The following GPC6 variants were observed in gnomAD, a reference collection of about 807,000 sequenced individuals.
The protein encoded by GPC6 is glypican 6.
Under a neutral mutation model 55.2 loss-of-function variants are expected in GPC6, and 14 were observed. The ratio of observed to expected loss-of-function variants is 0.25; its 90% confidence interval spans 0.17 to 0.40. The LOEUF (loss-of-function observed/expected upper bound fraction) is 0.40. GPC6 is among the 10% of genes least tolerant of loss of function. The pLI is 1.00. For synonymous variants in GPC6, 278 were observed against 259.6 expected, an observed-to-expected ratio of 1.07 and a Z score of -0.68; for missense variants, 641 against 708.5, an observed-to-expected ratio of 0.90 and a Z score of 1.08.
chr13:93,795,307 A>G (rs1001146896), intron 2 of GPC6, among the ~76,000 whole-genome samples: 6 of 152,206 alleles, frequency 3.9e-5, no homozygotes, highest in African/African-American at 1.4e-4. Context: ...AAAATTAGGA[A>G]TGCCTTTGTT....
chr13:93,851,732 A>T (rs1227685846), intron 3 of GPC6, among the ~76,000 whole-genome samples: 1 of 151,866 alleles, frequency 6.6e-6, no homozygotes, highest in Non-Finnish European at 1.5e-5. Context: ...TGTTAAATCA[A>T]TATGCAGGTG....
intron 4 of GPC6, among the ~76,000 whole-genome samples, chr13:94,254,103 T>C (rs1891435174): frequency 6.6e-6 from 1 of 152,122 alleles, no homozygotes; most frequent in South Asian, 2.1e-4. Context: ...CTCTTGACCC[T>C]TGTAGAGCAT....
intron 3 of GPC6, among the ~76,000 whole-genome samples, chr13:93,919,449 T>C (rs1877456278): frequency 6.6e-6 from 1 of 152,218 alleles, no homozygotes; most frequent in Admixed American, 6.5e-5. Flanking sequence ...ATGTGGGTCT[T>C]ACCACATTAC....
chr13:94,278,543 G>C lies in GPC6; in HGVS notation c.878-7806G>C, dbSNP rs141637301. 8.0e-3 allele frequency among the ~76,000 whole-genome samples: 1,216 copies of C among 152,236 alleles called. 26 individuals are homozygous for C. The highest frequency in any genetic ancestry group is 0.028 in the African/African-American group (1,147 of 41,530). On this transcript the variant is annotated intron_variant, in intron 4 of 8. Coordinates refer to ENST00000377047, the MANE Select transcript of GPC6 (RefSeq NM_005708.5). ...TTCAAAGGGAATGCTTCCAACGTTTGCCCATTCAATATGATATTGGCTATG... is the reference window on the plus strand; with the variant it reads ...TTCAAAGGGAATGCTTCCAACGTTTCCCCATTCAATATGATATTGGCTATG...
In GPC6 at chr13:93,830,420, C is replaced by T. The variant is rs563248560; in HGVS notation, c.586C>T (p.Gln196Ter). 1 of 1,613,704 alleles carries T rather than the reference C, an allele frequency of 6.2e-7. No homozygotes were observed. The highest frequency in any genetic ancestry group is 1.3e-5 in the African/African-American group (1 of 74,924). ...GGAATGTGTGAGCAAATACACTGAC[C>T]AGCTCAAGCCATTTGGAGACGTGCC... ...YLECVSKYTD[Q>*]LKPFGDVPRK... Residue 196 changes from glutamine to a stop codon, truncating the protein, a stop_gained, in exon 3 of 9, where the codon CAG (glutamine) becomes TAG (stop). Coordinates refer to ENST00000377047, the MANE Select transcript of GPC6 (RefSeq NM_005708.5). LOFTEE classifies it high-confidence loss of function.
intron 3 of GPC6, among the ~76,000 whole-genome samples, chr13:93,851,881 G>A (rs1888415069): frequency 1.3e-5 from 2 of 151,766 alleles, no homozygotes; most frequent in South Asian, 4.2e-4. Flanking sequence ...TCAAAGTGGG[G>A]ATAATAGGAA....
At chr13:93,865,640 A>T (rs747519912) in intron 3 of GPC6, among the ~76,000 whole-genome samples, 1 of 151,720 alleles carries the variant, frequency 6.6e-6, no homozygotes, top group African/African-American at 2.4e-5. Context: ...ACTGTCTTTC[A>T]TATATTTACC....
chr13:93,386,444 T>C (rs2139211269), intron 1 of GPC6, among the ~76,000 whole-genome samples: 1 of 152,204 alleles, frequency 6.6e-6, no homozygotes, highest in African/African-American at 2.4e-5. Flanking sequence ...GAACCAATCT[T>C]GTTTCATGTT....
At chr13:93,470,516 T>C (rs1288687637) in intron 1 of GPC6, among the ~76,000 whole-genome samples, 1 of 152,156 alleles carries the variant, frequency 6.6e-6, no homozygotes, top group Non-Finnish European at 1.5e-5. Flanking sequence ...TGGATTCGAT[T>C]TGCAAATATG....
At chr13:94,175,185 T>C (rs964202382) in intron 4 of GPC6, among the ~76,000 whole-genome samples, 1 of 152,194 alleles carries the variant, frequency 6.6e-6, no homozygotes, top group African/African-American at 2.4e-5. Flanking sequence ...CAGTCTATTA[T>C]TAGTCATTGC....
intron 3 of GPC6, among the ~76,000 whole-genome samples, chr13:93,891,190 GTTTAT>G (rs1388390436): frequency 2.6e-5 from 4 of 152,056 alleles, no homozygotes; most frequent in African/African-American, 9.7e-5. Context: ...ATACTGCTAT[GTTTAT>G]TTTATTTTTC....
chr13:93,784,363 T>C (rs1282956106), intron 2 of GPC6, among the ~76,000 whole-genome samples: 1 of 152,184 alleles, frequency 6.6e-6, no homozygotes, highest in Non-Finnish European at 1.5e-5. Context: ...GTTTTCTTCC[T>C]TCTATCCAAA....
intron 1 of GPC6, among the ~76,000 whole-genome samples, chr13:93,234,528 A>T (rs1876167063): frequency 6.6e-6 from 1 of 152,224 alleles, no homozygotes; most frequent in South Asian, 2.1e-4. Context: ...ATACAGGAAA[A>T]GGAGGAGAGG....
intron 1 of GPC6, among the ~76,000 whole-genome samples, chr13:93,492,167 T>C (rs972956323): frequency 1.7e-4 from 25 of 145,972 alleles, no homozygotes; most frequent in Non-Finnish European, 3.8e-4. Flanking sequence ...GGAATGTTCT[T>C]CCATTTGTTT....
In GPC6 at chr13:94,164,552, G is replaced by A. The variant is rs370299167; in HGVS notation, c.878-121797G>A. On this transcript the variant is annotated intron_variant, in intron 4 of 8. Transcript: ENST00000377047. ...AGTGTAACAAGCAGTAAAGAACCAC[G>A]TGAAAGTCACATCCAGTTAAATTTT... is the stretch of plus-strand genomic sequence containing the variant. Among the ~76,000 whole-genome samples the A allele has an allele frequency of 1.7e-4, 26 of 152,296 alleles. 1 individual carries two copies. Among genetic ancestry groups the A allele is most frequent in the Admixed American group, 6.5e-4 (10 of 15,286 alleles).
intron 1 of GPC6, among the ~76,000 whole-genome samples, chr13:93,430,233 C>A (rs1877305701): frequency 6.6e-6 from 1 of 152,014 alleles, no homozygotes; most frequent in South Asian, 2.1e-4. Context: ...TTTTTTAAGT[C>A]TTGAGAATTC....
intron 2 of GPC6, among the ~76,000 whole-genome samples, chr13:93,785,807 A>T (rs746446526): frequency 3.3e-5 from 5 of 151,976 alleles, no homozygotes; most frequent in Non-Finnish European, 7.4e-5. Context: ...CAAAAAAATT[A>T]AAAAATTAGC....
intron 1 of GPC6, among the ~76,000 whole-genome samples, chr13:93,509,525 C>T (rs1566395720): frequency 6.6e-6 from 1 of 152,140 alleles, no homozygotes; most frequent in Admixed American, 6.5e-5. Context: ...AATGAGTAAA[C>T]CAAATGCCTT....
chr13:94,269,620 C>T (rs1327723930), intron 4 of GPC6, among the ~76,000 whole-genome samples: 2 of 152,130 alleles, frequency 1.3e-5, no homozygotes, highest in South Asian at 4.1e-4. Flanking sequence ...ATCCCTATAG[C>T]TTTCATTTGT....
Sources: gnomAD v4.1 joint callset for allele counts (sites outside exome capture counted in the v4.1 genomes callset) on GRCh38, gnomAD v4.1.1 for gene constraint, MANE v1.5 for transcripts, NCBI Gene and HGNC (gene_info 2026-07-23, HGNC 2026-07-21) for gene names.